Variants in ESR1 observed in about 807,000 individuals in gnomAD.
ESR1 encodes estrogen receptor.
In ESR1, 12 loss-of-function variants were observed where a neutral mutation model predicts 52.7. That is an observed-to-expected ratio of 0.23 (90% CI 0.15 to 0.37). The LOEUF is 0.37. Ranked by LOEUF, ESR1 falls within the 10% of genes least tolerant of loss-of-function variation. The pLI is 1.00. For synonymous variants in ESR1, 305 were observed against 316.8 expected (o/e 0.96, Z 0.39); for missense variants, 584 against 779.7 (o/e 0.75, Z 2.99).
chr6:152,103,980 C>CTTTTTTTTTTTTTTTTTTTT (rs369261779), downstream of ESR1, among the ~76,000 whole-genome samples: 1 of 93,884 alleles, frequency 1.1e-5, no homozygotes. Context: ...TTCATTCTAC[C>CTTTTTTTTTTTTTTTTTTTT]TTTTTTTTTT....
intron 1 of ESR1, among the ~76,000 whole-genome samples, chr6:151,685,288 C>G (rs1032399801): frequency 1.3e-5 from 2 of 151,034 alleles, no homozygotes; most frequent in African/African-American, 2.4e-5. Flanking sequence ...CGCCCGCCAC[C>G]GCGCCCGGCT....
At chr6:151,904,865 G>C (rs1797205353) in intron 3 of ESR1, among the ~76,000 whole-genome samples, 1 of 152,070 alleles carries the variant, frequency 6.6e-6, no homozygotes, top group African/African-American at 2.4e-5. Flanking sequence ...TACTGGTAAT[G>C]GGCCAGGAAA....
At chr6:151,801,744 G>A (rs1777266150), upstream of ESR1, among the ~76,000 whole-genome samples, 1 of 152,238 alleles carries the variant, frequency 6.6e-6, no homozygotes, top group African/African-American at 2.4e-5. Context: ...AAAGATTCAT[G>A]ACTAGAGTGT....
intron 4 of ESR1, among the ~76,000 whole-genome samples, chr6:151,975,601 G>A (rs181481514): frequency 2.1e-4 from 32 of 152,258 alleles, no homozygotes; most frequent in African/African-American, 6.7e-4. Context: ...GCAGAATTCC[G>A]TCCTCTTGGG....
At chr6:151,738,006 TG>T (rs1270545895) in intron 2 of ESR1, among the ~76,000 whole-genome samples, 2 of 152,234 alleles carry the variant, frequency 1.3e-5, no homozygotes, top group Admixed American at 6.5e-5. Context: ...GTTTTGTTAT[TG>T]ATGATGATTT....
chr6:151,869,719 T>C (rs1167730330), intron 2 of ESR1, among the ~76,000 whole-genome samples: 2 of 152,192 alleles, frequency 1.3e-5, no homozygotes, highest in African/African-American at 4.8e-5. Context: ...AAAAAGAAAC[T>C]TTCCAGGACA....
In ESR1 at chr6:151,831,283, T is replaced by C. The variant is rs112322269; in HGVS notation, c.453-11314T>C. Among the ~76,000 whole-genome samples, 70 of 152,020 alleles carry C rather than the reference T, an allele frequency of 4.6e-4. 1 individual carries two copies. Among genetic ancestry groups the C allele is most frequent in the African/African-American group, 1.5e-3 (63 of 41,502 alleles). On this transcript the variant is annotated intron_variant, in intron 1 of 7. Transcript: ENST00000206249. The stretch of plus-strand genomic sequence containing the variant: ...TCAACCTCCTGAGTAGCTAGAATTA[T>C]AGGTGCACACCAGACCTGGCTAATG...
chr6:152,067,997 T>A (rs926539760), intron 6 of ESR1, among the ~76,000 whole-genome samples: 1 of 152,224 alleles, frequency 6.6e-6, no homozygotes, highest in African/African-American at 2.4e-5. Flanking sequence ...TATGGAAGTA[T>A]AAAAGCAAAA....
chr6:152,004,534 C>T (rs1294277027), intron 4 of ESR1, among the ~76,000 whole-genome samples: 1 of 151,806 alleles, frequency 6.6e-6, no homozygotes, highest in East Asian at 1.9e-4. Flanking sequence ...TGCAGGCCTT[C>T]TACTGGTTTT....
chr6:151,890,137 T>G (rs957238542), intron 3 of ESR1, among the ~76,000 whole-genome samples: 1 of 151,352 alleles, frequency 6.6e-6, no homozygotes, highest in Non-Finnish European at 1.5e-5. Flanking sequence ...CAGGCTGGAG[T>G]GCACTGGCTC....
chr6:151,666,620 C>T (rs1195608693), intron 1 of ESR1, among the ~76,000 whole-genome samples: 1 of 151,830 alleles, frequency 6.6e-6, no homozygotes. Flanking sequence ...TTTCTGCAGC[C>T]AGAGCACCTT....
chr6:151,989,425 A>G (rs2040811074), intron 4 of ESR1, among the ~76,000 whole-genome samples: 1 of 152,130 alleles, frequency 6.6e-6, no homozygotes, highest in African/African-American at 2.4e-5. Context: ...TAGTGTTTAC[A>G]TTATGGCATT....
At chr6:151,838,444 G>A (rs536319287) in intron 1 of ESR1, among the ~76,000 whole-genome samples, 1 of 152,214 alleles carries the variant, frequency 6.6e-6, no homozygotes, top group East Asian at 1.9e-4. Flanking sequence ...CACCCTTATG[G>A]CCCAGACATG....
chr6:151,913,142 A>G (rs1237127375), intron 3 of ESR1, among the ~76,000 whole-genome samples: 1 of 152,166 alleles, frequency 6.6e-6, no homozygotes, highest in East Asian at 1.9e-4. Context: ...AAAAGTAGCC[A>G]TTTTACCAGT....
chr6:152,122,966 G>A (rs977758171), intron 6 of ESR1, among the ~76,000 whole-genome samples: 3 of 152,126 alleles, frequency 2.0e-5, no homozygotes, highest in African/African-American at 7.2e-5. Context: ...TTCTATCAAC[G>A]AAAATAACTG....
chr6:152,033,579 C>CAAA (rs1377329011), intron 5 of ESR1, among the ~76,000 whole-genome samples: 1 of 152,166 alleles, frequency 6.6e-6, no homozygotes, highest in East Asian at 1.9e-4. Context: ...AAATGCAAAT[C>CAAA]AAAACCACAA....
chr6:152,002,333 C>G (rs1396416591), intron 4 of ESR1, among the ~76,000 whole-genome samples: 1 of 151,818 alleles, frequency 6.6e-6, no homozygotes, highest in African/African-American at 2.4e-5. Flanking sequence ...TGGAGACTTG[C>G]TCTAAAAAAG....
At chr6:151,840,588 C>T (rs1283803122) in intron 1 of ESR1, among the ~76,000 whole-genome samples, 3 of 152,094 alleles carry the variant, frequency 2.0e-5, no homozygotes, top group African/African-American at 7.2e-5. Context: ...ACTGAGAAGG[C>T]AGGGAGAGGT....
chr6:151,694,477 A>C (rs1390737227), intron 1 of ESR1, among the ~76,000 whole-genome samples: 1 of 152,178 alleles, frequency 6.6e-6, no homozygotes, highest in Non-Finnish European at 1.5e-5. Context: ...AGTTTTGTAC[A>C]AAGTTCACTT....
Sources: gnomAD v4.1 joint callset for allele counts (sites outside exome capture counted in the v4.1 genomes callset) on GRCh38, gnomAD v4.1.1 for gene constraint, MANE v1.5 for transcripts, NCBI Gene and HGNC (gene_info 2026-07-23, HGNC 2026-07-21) for gene names.